The following EPC1 variants were observed in gnomAD, a reference collection of about 807,000 sequenced individuals.
EPC1 encodes enhancer of polycomb 1.
In EPC1, 12 loss-of-function variants were observed where a neutral mutation model predicts 98.4. The observed-to-expected ratio is 0.12, with a 90% CI of 0.08 to 0.20. EPC1 has a LOEUF of 0.20. Among genes scored for constraint, EPC1 ranks in the 10% least tolerant of loss-of-function variants. EPC1 has a pLI of 1.00. For missense variants in EPC1, 729 were observed against 990.5 expected, an observed-to-expected ratio of 0.74 and a Z score of 3.54; for synonymous variants, 357 against 363.9, an observed-to-expected ratio of 0.98 and a Z score of 0.21.
chr10:32,322,583 T>C (rs1456532687), intron 1 of EPC1, among the ~76,000 whole-genome samples: 1 of 151,978 alleles, frequency 6.6e-6, no homozygotes, highest in Non-Finnish European at 1.5e-5. Flanking sequence ...TGCCAGTCAA[T>C]GTAGCACTTA....
chr10:32,310,814 C>T (rs1030531054), intron 1 of EPC1, among the ~76,000 whole-genome samples: 1 of 152,004 alleles, frequency 6.6e-6, no homozygotes, highest in South Asian at 2.1e-4. Flanking sequence ...ACAGAGGCTG[C>T]AGTAAGCGGA....
At chr10:32,345,590 G>A (rs1838716434) in intron 1 of EPC1, 10 of 985,396 alleles carry the variant, frequency 1.0e-5, no homozygotes, top group Non-Finnish European at 1.2e-5. Flanking sequence ...CAATTCCTTA[G>A]GATTAGAAGT....
intron 10 of EPC1, chr10:32,282,125 C>T (rs983478509): frequency 5.9e-5 from 9 of 152,190 alleles, no homozygotes; most frequent in African/African-American, 1.9e-4. Context: ...TGTTACCCTA[C>T]AGTAGTCTGT....
At chr10:32,323,858 T>TA (rs1837091213) in intron 1 of EPC1, among the ~76,000 whole-genome samples, 1 of 152,240 alleles carries the variant, frequency 6.6e-6, no homozygotes, top group African/African-American at 2.4e-5. Context: ...CATACGTCCA[T>TA]AAAGTCCTGG....
intron 5 of EPC1, 28 bp downstream of exon 5, chr10:32,292,468 C>T: frequency 6.7e-7 from 1 of 1,492,104 alleles, no homozygotes; most frequent in South Asian, 1.3e-5. Context: ...CACTATACTT[C>T]CTCTAACATT....
Position 32,307,765 on chromosome 10 carries a change from G to A in EPC1, c.154-1834C>T, listed in dbSNP as rs114519163. Among the ~76,000 whole-genome samples, 489 of 152,228 alleles carry A rather than the reference G, an allele frequency of 3.2e-3. 1 individual carries two copies. The highest frequency in any genetic ancestry group is 0.011 in the African/African-American group (465 of 41,538). ...ACCCCAGTGTATGTCAGTTACATGC[G>A]TGCTCTTGAACTCTCAGATATCCTC... On this transcript the variant is annotated intron_variant, in intron 1 of 13. Transcript: ENST00000319778.
chr10:32,321,998 G>A (rs1193956384), intron 1 of EPC1, among the ~76,000 whole-genome samples: 1 of 150,456 alleles, frequency 6.6e-6, no homozygotes, highest in South Asian at 2.1e-4. Flanking sequence ...TCTTAGCTTC[G>A]CTTACAGGAT....
At chr10:32,329,833 G>A (rs1489721145) in intron 1 of EPC1, among the ~76,000 whole-genome samples, 1 of 152,274 alleles carries the variant, frequency 6.6e-6, no homozygotes, top group East Asian at 1.9e-4. Flanking sequence ...GAAATTTACA[G>A]CAGTAATTGC....
chr10:32,371,697 G>A (rs1411475728), intron 1 of EPC1, among the ~76,000 whole-genome samples: 3 of 152,040 alleles, frequency 2.0e-5, no homozygotes, highest in East Asian at 1.9e-4. Context: ...TCAAGAGTTC[G>A]AGACCAGCCT....
At chr10:32,296,572 C>G (rs1467414017) in intron 2 of EPC1, among the ~76,000 whole-genome samples, 1 of 152,150 alleles carries the variant, frequency 6.6e-6, no homozygotes, top group Non-Finnish European at 1.5e-5. Flanking sequence ...GCCCTTTTGC[C>G]TCTGCAAGAG....
intron 1 of EPC1, among the ~76,000 whole-genome samples, chr10:32,322,317 G>A (rs2132914307): frequency 6.6e-6 from 1 of 151,900 alleles, no homozygotes; most frequent in South Asian, 2.1e-4. Context: ...TACCATATAT[G>A]GAAACAAAAT....
chr10:32,298,615 T>C (rs1835310421), intron 2 of EPC1, among the ~76,000 whole-genome samples: 1 of 152,228 alleles, frequency 6.6e-6, no homozygotes. Context: ...GCCTCAGCTC[T>C]AAGATAAAGA....
intron 10 of EPC1, among the ~76,000 whole-genome samples, chr10:32,276,503 C>A (rs375442090): frequency 1.3e-5 from 2 of 152,166 alleles, no homozygotes; most frequent in Non-Finnish European, 2.9e-5. Context: ...CAGAGCAAGA[C>A]TTCATCTTAA....
chr10:32,287,816 T>C lies in EPC1; in HGVS notation c.976-542A>G, dbSNP rs79079602. ...TAGTAAGGATTTGTGGGCTGAACAA[T>C]GTAAGCTTTCTGAAATGGTGACTTT... On this transcript the variant is annotated intron_variant, in intron 6 of 13. Coordinates refer to ENST00000319778, the MANE Select transcript of EPC1 (RefSeq NM_001272004.3). 1.3e-4 allele frequency among the ~76,000 whole-genome samples: 20 copies of C among 152,250 alleles called. No individual in the cohort carries two copies. In the East Asian group the frequency reaches 3.1e-3, roughly 24 times the overall value.
chr10:32,316,511 C>T (rs1326477644), intron 1 of EPC1, among the ~76,000 whole-genome samples: 1 of 152,164 alleles, frequency 6.6e-6, no homozygotes, highest in Non-Finnish European at 1.5e-5. Context: ...ACTATTTATA[C>T]ATGCAACAAC....
chr10:32,344,277 CTTGT>C (rs1211462096), intron 1 of EPC1, among the ~76,000 whole-genome samples: 1 of 152,236 alleles, frequency 6.6e-6, no homozygotes, highest in Non-Finnish European at 1.5e-5. Context: ...TGTAAAGCAG[CTTGT>C]TTACCAGGTA....
At chr10:32,334,601 C>T (rs1240701058) in intron 1 of EPC1, among the ~76,000 whole-genome samples, 1 of 152,194 alleles carries the variant, frequency 6.6e-6, no homozygotes, top group Non-Finnish European at 1.5e-5. Context: ...CCTCTTTATA[C>T]ACTAGCTGCT....
chr10:32,270,868 G>A (rs1835809015), intron 13 of EPC1, among the ~76,000 whole-genome samples: 1 of 149,220 alleles, frequency 6.7e-6, no homozygotes, highest in Non-Finnish European at 1.5e-5. Flanking sequence ...TAGCATACCA[G>A]TGATGGGGCA....
At chr10:32,360,013 TTAG>T (rs1194883861) in intron 1 of EPC1, among the ~76,000 whole-genome samples, 1 of 152,186 alleles carries the variant, frequency 6.6e-6, no homozygotes, top group Non-Finnish European at 1.5e-5. Flanking sequence ...GTTTGTATCA[TTAG>T]TAGTTTTGTA....
Sources: gnomAD v4.1 joint callset for allele counts (sites outside exome capture counted in the v4.1 genomes callset) on GRCh38, gnomAD v4.1.1 for gene constraint, MANE v1.5 for transcripts, NCBI Gene and HGNC (gene_info 2026-07-23, HGNC 2026-07-21) for gene names.